The following ALK variants were observed in gnomAD, a reference collection of about 807,000 sequenced individuals.
ALK encodes ALK receptor tyrosine kinase, also known as ALK tyrosine kinase receptor.
A neutral mutation model predicts 163.1 loss-of-function variants in ALK; 74 were observed. That is an observed-to-expected ratio of 0.45 (90% CI 0.38 to 0.55). ALK has a LOEUF of 0.55. ALK is among the 20% of genes least tolerant of loss of function. The pLI, the probability that ALK is intolerant of heterozygous loss-of-function variation, is 0.00. For synonymous variants in ALK, 960 were observed against 843.2 expected, an observed-to-expected ratio of 1.14 and a Z score of -2.40; for missense variants, 2,063 against 2,105.3, an observed-to-expected ratio of 0.98 and a Z score of 0.39.
chr2:29,705,275 A>ATC (rs1487586159), intron 2 of ALK, among the ~76,000 whole-genome samples: 15 of 48,494 alleles, frequency 3.1e-4, no homozygotes, highest in African/African-American at 2.9e-3. Flanking sequence ...ATATATATAT[A>ATC]TATATAAATA....
At chr2:29,687,238 A>C (rs886566716) in intron 3 of ALK, among the ~76,000 whole-genome samples, 4 of 151,884 alleles carry the variant, frequency 2.6e-5, no homozygotes, top group Admixed American at 2.6e-4. Flanking sequence ...CCTGCTGCAC[A>C]CTTATTTTCC....
chr2:29,319,756 C>T (rs921057601), intron 7 of ALK, among the ~76,000 whole-genome samples: 8 of 152,236 alleles, frequency 5.3e-5, no homozygotes, highest in African/African-American at 1.9e-4. Context: ...GGAACAGAGA[C>T]ATGAAGGGCA....
At chr2:29,203,057 AAC>A (rs913369766) in intron 26 of ALK, among the ~76,000 whole-genome samples, 1 of 152,176 alleles carries the variant, frequency 6.6e-6, no homozygotes, top group Non-Finnish European at 1.5e-5. Flanking sequence ...CATCTGATAA[AAC>A]ACAGATTGCA....
chr2:29,470,254 A>G lies in ALK; in HGVS notation c.1154+61661T>C, dbSNP rs139206453. On this transcript the variant is annotated intron_variant, in intron 4 of 28. Transcript: ENST00000389048. ...GAATTCAAGAGACACGTGAGTCACA[A>G]TGAAAAGGTCTAAAATACATATAAT... is the stretch of plus-strand genomic sequence containing the variant. Among the ~76,000 whole-genome samples the G allele has an allele frequency of 2.5e-3, 375 of 152,308 alleles. 3 individuals are homozygous for G. Among genetic ancestry groups the G allele is most frequent in the African/African-American group, 8.6e-3 (357 of 41,588 alleles).
chr2:29,851,852 G>A (rs143149367), intron 1 of ALK, among the ~76,000 whole-genome samples: 13 of 152,334 alleles, frequency 8.5e-5, no homozygotes, highest in African/African-American at 3.1e-4. Flanking sequence ...AGCTCTGGGA[G>A]AGGGTAGAGC....
At chr2:29,316,392 T>C (rs188897463) in intron 8 of ALK, among the ~76,000 whole-genome samples, 5 of 152,170 alleles carry the variant, frequency 3.3e-5, no homozygotes, top group African/African-American at 1.2e-4. Context: ...GGGCAGGGAA[T>C]AGCAGAAACA....
chr2:29,303,023 G>A (rs1666412733), intron 8 of ALK, among the ~76,000 whole-genome samples: 1 of 151,990 alleles, frequency 6.6e-6, no homozygotes, highest in South Asian at 2.1e-4. Context: ...ATTGACAATG[G>A]GGACCTAACT....
chr2:29,341,430 G>C (rs1301471775), intron 5 of ALK, among the ~76,000 whole-genome samples: 9 of 152,214 alleles, frequency 5.9e-5, no homozygotes, highest in African/African-American at 1.9e-4. Context: ...TTCACAGTGA[G>C]TAGCGAGAGG....
At chr2:29,660,708 G>A (rs1388597244) in intron 3 of ALK, among the ~76,000 whole-genome samples, 3 of 152,028 alleles carry the variant, frequency 2.0e-5, no homozygotes, top group African/African-American at 7.2e-5. Flanking sequence ...TCAGAAGAGT[G>A]AGTAGAGGCA....
At chr2:29,800,684 T>C (rs915888465) in intron 1 of ALK, among the ~76,000 whole-genome samples, 9 of 152,168 alleles carry the variant, frequency 5.9e-5, no homozygotes, top group African/African-American at 2.2e-4. Flanking sequence ...CACCTCAGAC[T>C]TAACAACAAG....
chr2:29,691,515 C>T (rs1200060300), intron 3 of ALK, among the ~76,000 whole-genome samples: 1 of 152,170 alleles, frequency 6.6e-6, no homozygotes, highest in Non-Finnish European at 1.5e-5. Flanking sequence ...AAGTTGACAA[C>T]ATTTACTTTA....
intron 4 of ALK, among the ~76,000 whole-genome samples, chr2:29,515,582 G>C (rs1414227599): frequency 6.6e-6 from 1 of 152,102 alleles, no homozygotes; most frequent in Non-Finnish European, 1.5e-5. Flanking sequence ...GATAGGGGGA[G>C]GCATAATGGG....
chr2:29,814,066 C>A (rs1664828424), intron 1 of ALK, among the ~76,000 whole-genome samples: 1 of 152,200 alleles, frequency 6.6e-6, no homozygotes, highest in Non-Finnish European at 1.5e-5. Context: ...CTGACCTCCC[C>A]TGGGGTGCAA....
chr2:29,764,600 G>C (rs779743565), intron 1 of ALK, among the ~76,000 whole-genome samples: 1 of 152,176 alleles, frequency 6.6e-6, no homozygotes, highest in Non-Finnish European at 1.5e-5. Context: ...AATGGATCTT[G>C]CCTGCTTATG....
At chr2:29,475,463 C>A (rs968757550) in intron 4 of ALK, among the ~76,000 whole-genome samples, 6 of 152,198 alleles carry the variant, frequency 3.9e-5, no homozygotes, top group African/African-American at 1.2e-4. Flanking sequence ...AGAATCCCTC[C>A]CTCCACTAAG....
intron 5 of ALK, among the ~76,000 whole-genome samples, chr2:29,379,063 C>T (rs906276108): frequency 3.9e-5 from 6 of 152,262 alleles, no homozygotes; most frequent in East Asian, 1.9e-4. Flanking sequence ...CCCATTCTGA[C>T]GTATGTGTTG....
At position 29,300,181 on chromosome 2, in the gene ALK, T is replaced by G. The variant is rs184437522; in HGVS notation, c.1648-3124A>C. Among the ~76,000 whole-genome samples the G allele has an allele frequency of 5.5e-4, 82 of 150,080 alleles. 1 individual carries two copies. Among genetic ancestry groups the G allele is most frequent in the Admixed American group, 4.4e-3 (65 of 14,866 alleles). On this transcript the variant is annotated intron_variant, in intron 8 of 28. Transcript: ENST00000389048. Reference sequence around the variant, plus strand: ...GCCTAAGAGGGAGGTAAATAGACAATAGTAGGAAGAAGCTGCCGGTATCTT... The same window carrying G: ...GCCTAAGAGGGAGGTAAATAGACAAGAGTAGGAAGAAGCTGCCGGTATCTT...
intron 19 of ALK, chr2:29,223,770 T>C: frequency 1.8e-6 from 1 of 555,836 alleles, no homozygotes; most frequent in Non-Finnish European, 3.2e-6. Context: ...TTGTATTATA[T>C]AGGGCAGAGT....
At chr2:29,558,134 C>T (rs6547947) in intron 3 of ALK, among the ~76,000 whole-genome samples, 17,943 of 152,264 alleles carry the variant, frequency 0.12, 1,391 homozygotes, top group Non-Finnish European at 0.18. Flanking sequence ...CTACATACTA[C>T]AGGATTGTCC....
Sources: allele counts gnomAD v4.1 joint callset (sites outside exome capture counted in the v4.1 genomes callset), GRCh38; gene constraint gnomAD v4.1.1; transcripts MANE v1.5; gene names NCBI Gene and HGNC (gene_info 2026-07-23, HGNC 2026-07-21).